EPB41L4A: variants seen among roughly 807,000 people sequenced by gnomAD.
EPB41L4A encodes band 4.1-like protein 4A.
EPB41L4A carries 100 observed loss-of-function variants against 108.6 expected under a neutral mutation model. The observed-to-expected ratio is 0.92, with a 90% CI of 0.78 to 1.09. The LOEUF (loss-of-function observed/expected upper bound fraction) is 1.09, where lower values mean the gene tolerates loss of function less well. Ranked by LOEUF, EPB41L4A falls within the 50% of genes least tolerant of loss-of-function variation. The pLI is 0.00. For synonymous variants in EPB41L4A, 319 were observed against 289.0 expected, an observed-to-expected ratio of 1.10 and a Z score of -1.05; for missense variants, 1,030 against 842.7, an observed-to-expected ratio of 1.22 and a Z score of -2.75.
At chr5:112,148,334 T>C (rs889085095) in intron 12 of EPB41L4A, among the ~76,000 whole-genome samples, 1 of 151,112 alleles carries the variant, frequency 6.6e-6, no homozygotes, top group Admixed American at 6.6e-5. Context: ...GATTTCCCAG[T>C]GTTCATATGG....
intron 1 of EPB41L4A, among the ~76,000 whole-genome samples, chr5:112,384,551 C>T (rs538018739): frequency 2.6e-5 from 4 of 152,104 alleles, no homozygotes; most frequent in East Asian, 3.9e-4. Flanking sequence ...CAGCCAAACA[C>T]ATATTTTTCC....
intron 9 of EPB41L4A, among the ~76,000 whole-genome samples, chr5:112,255,547 T>A (rs779597525): frequency 2.0e-5 from 3 of 152,174 alleles, no homozygotes; most frequent in African/African-American, 7.2e-5. Context: ...GTATGACATA[T>A]CAGCATCATC....
At chr5:112,238,345 A>G (rs979855625) in intron 11 of EPB41L4A, among the ~76,000 whole-genome samples, 2 of 152,222 alleles carry the variant, frequency 1.3e-5, no homozygotes, top group African/African-American at 4.8e-5. Context: ...TTAACATATC[A>G]ATGAATACCT....
intron 1 of EPB41L4A, among the ~76,000 whole-genome samples, chr5:112,374,988 C>A (rs547701601): frequency 6.6e-6 from 1 of 152,282 alleles, no homozygotes; most frequent in East Asian, 1.9e-4. Context: ...GCTCTGAACT[C>A]CAGCTACACG....
intron 1 of EPB41L4A, among the ~76,000 whole-genome samples, chr5:112,363,904 G>A (rs1176808619): frequency 6.6e-6 from 1 of 152,210 alleles, no homozygotes; most frequent in Non-Finnish European, 1.5e-5. Context: ...AGTTTATAGA[G>A]TGTAGCATTC....
intron 1 of EPB41L4A, 37 bp from the exon 2 acceptor site, chr5:112,307,527 C>T (rs1196624761): frequency 1.4e-6 from 2 of 1,394,488 alleles, no homozygotes; most frequent in Middle Eastern, 1.8e-4. Flanking sequence ...TTTTAACTGC[C>T]CTTTTGTTCC....
At chr5:112,312,929 A>G (rs1190254823) in intron 1 of EPB41L4A, among the ~76,000 whole-genome samples, 2 of 152,222 alleles carry the variant, frequency 1.3e-5, no homozygotes, top group Non-Finnish European at 2.9e-5. Context: ...CTGACATAGA[A>G]CCAAAGTGCA....
Position 112,187,753 on chromosome 5 carries a change from A to G in EPB41L4A, c.1503-3618T>C, listed in dbSNP as rs76373356. Among the ~76,000 whole-genome samples, 1,264 of 152,274 alleles carry G rather than the reference A, an allele frequency of 8.3e-3. 20 individuals are homozygous for G. The highest frequency in any genetic ancestry group is 0.027 in the African/African-American group (1,112 of 41,542). ...TGCTCCTAACAGAACCTTTCTTTAC[A>G]TAAGTTCTTAATTCACTTCTAATTC... is the stretch of plus-strand genomic sequence containing the variant. On this transcript the variant is annotated intron_variant, in intron 17 of 22. Transcript: ENST00000261486.
Position 112,195,684 on chromosome 5 carries a change from A to G in EPB41L4A, c.1401T>C (p.Asp467=), listed in dbSNP as rs759759209. The change falls in exon 16 of 23, where the codon GAT becomes GAC. Residue 467 remains aspartate, a synonymous_variant. Coordinates refer to ENST00000261486, the MANE Select transcript of EPB41L4A (RefSeq NM_022140.5). Reference sequence around the variant, plus strand: ...ACCTCCTCCTTTGCTTAAGATCTGAATCTTCACCACTGTTATGGGCTTTCC... The same window carrying G: ...ACCTCCTCCTTTGCTTAAGATCTGAGTCTTCACCACTGTTATGGGCTTTCC... ...RRRKAHNSGE[D]SDLKQRRRSR... The G allele has an allele frequency of 1.5e-5, 24 of 1,613,606 alleles. No homozygotes were observed. Among genetic ancestry groups the G allele is most frequent in the Non-Finnish European group, 1.9e-5 (22 of 1,179,820 alleles).
At chr5:112,369,748 C>T (rs1183469026) in intron 1 of EPB41L4A, among the ~76,000 whole-genome samples, 2 of 152,148 alleles carry the variant, frequency 1.3e-5, no homozygotes, top group Admixed American at 6.5e-5. Flanking sequence ...GGAGCCCCTA[C>T]CTTCCTGGGT....
intron 1 of EPB41L4A, among the ~76,000 whole-genome samples, chr5:112,410,292 T>A (rs1762331933): frequency 6.6e-6 from 1 of 152,108 alleles, no homozygotes; most frequent in South Asian, 2.1e-4. Flanking sequence ...TGACTGCCAC[T>A]CGCAGCTAGG....
chr5:112,231,767 G>A (rs576963735), intron 12 of EPB41L4A, among the ~76,000 whole-genome samples: 313 of 133,448 alleles, frequency 2.3e-3, no homozygotes, highest in Non-Finnish European at 3.6e-3. Context: ...AGTCCGGCCT[G>A]GGCGACAGAG....
chr5:112,253,379 T>TG (rs969244421), intron 9 of EPB41L4A, among the ~76,000 whole-genome samples: 4 of 151,990 alleles, frequency 2.6e-5, no homozygotes, highest in African/African-American at 9.7e-5. Flanking sequence ...TTTAAAACAG[T>TG]GGGGTATAAC....
downstream of EPB41L4A, chr5:112,161,927 T>A (rs973771946): frequency 6.2e-6 from 1 of 161,948 alleles, no homozygotes; most frequent in Non-Finnish European, 1.4e-5. Flanking sequence ...TGGGATAGCC[T>A]CCACAGCTTA....
chr5:112,321,424 G>C (rs886282470), intron 1 of EPB41L4A, among the ~76,000 whole-genome samples: 11 of 152,312 alleles, frequency 7.2e-5, no homozygotes, highest in African/African-American at 2.4e-4. Flanking sequence ...CAGGAAAGCA[G>C]AGGGATGCTC....
intron 15 of EPB41L4A, among the ~76,000 whole-genome samples, chr5:112,197,865 T>G (rs1395597860): frequency 6.6e-6 from 1 of 152,200 alleles, no homozygotes; most frequent in Non-Finnish European, 1.5e-5. Context: ...AAAATTTGCA[T>G]GACAGATACA....
At chr5:112,224,345 T>C (rs1474089251) in intron 12 of EPB41L4A, among the ~76,000 whole-genome samples, 1 of 152,114 alleles carries the variant, frequency 6.6e-6, no homozygotes, top group East Asian at 1.9e-4. Flanking sequence ...TCTGGGAAGA[T>C]CTTTTTCACA....
At chr5:112,302,643 C>T (rs1754438659) in intron 2 of EPB41L4A, among the ~76,000 whole-genome samples, 2 of 152,166 alleles carry the variant, frequency 1.3e-5, no homozygotes, top group African/African-American at 4.8e-5. Context: ...CTCAATGCCA[C>T]ACAGCTCTCC....
chr5:112,314,536 A>AAAAAAAAG (rs1755294072), intron 1 of EPB41L4A, among the ~76,000 whole-genome samples: 18 of 113,626 alleles, frequency 1.6e-4, no homozygotes, highest in African/African-American at 6.1e-4. Flanking sequence ...AAAAAAAAAA[A>AAAAAAAAG]AAGAAAAGAA....
Sources: gnomAD v4.1 joint callset for allele counts (sites outside exome capture counted in the v4.1 genomes callset) on GRCh38, gnomAD v4.1.1 for gene constraint, MANE v1.5 for transcripts, NCBI Gene and HGNC (gene_info 2026-07-23, HGNC 2026-07-21) for gene names.